The following ITPR2 variants were observed in gnomAD, a reference collection of about 807,000 sequenced individuals.
The protein encoded by ITPR2 is inositol 1,4,5-trisphosphate receptor type 2, also known as inositol 1,4,5-trisphosphate-gated calcium channel ITPR2.
ITPR2 carries 207 observed loss-of-function variants against 317.1 expected under a neutral mutation model. The ratio of observed to expected loss-of-function variants is 0.65; its 90% CI spans 0.58 to 0.73. ITPR2 has a LOEUF of 0.73. Among genes scored for constraint, ITPR2 ranks in the 30% least tolerant of loss-of-function variants. The pLI is 0.00. For missense variants in ITPR2, 2,613 were observed against 3,284.0 expected (o/e 0.80, Z 4.99); for synonymous variants, 1,156 against 1,149.1 (o/e 1.01, Z -0.12).
At chr12:26,586,518 T>C (rs1200718989) in intron 32 of ITPR2, among the ~76,000 whole-genome samples, 1 of 152,254 alleles carries the variant, frequency 6.6e-6, no homozygotes, top group Non-Finnish European at 1.5e-5. Context: ...TAATTTCATC[T>C]ATTGCTTTCA....
intron 51 of ITPR2, among the ~76,000 whole-genome samples, chr12:26,414,676 A>G (rs1370904810): frequency 1.3e-5 from 2 of 152,194 alleles, no homozygotes; most frequent in Non-Finnish European, 2.9e-5. Context: ...AATAAAGCCT[A>G]ACACCACAGG....
In ITPR2 at chr12:26,599,324, G is replaced by T; in HGVS notation, c.3823C>A (p.Arg1275=). 1 of 1,613,920 alleles carries T rather than the reference G, an allele frequency of 6.2e-7. No homozygotes were observed. Among genetic ancestry groups the T allele is most frequent in the Non-Finnish European group, 8.5e-7 (1 of 1,179,832 alleles). The change falls in exon 30 of 57, where the codon CGG becomes AGG. Residue 1275 remains arginine, a synonymous_variant. Transcript: ENST00000381340. ...TPGLLEAETM[R]HIFMNNYHLC... ...TGGTAATTGTTCATGAAGATGTGCC[G>T]CATGGTTTCTGCTTCAAGGAGCTAA...
At chr12:26,810,414 T>A (rs763470381) in intron 1 of ITPR2, among the ~76,000 whole-genome samples, 3 of 152,230 alleles carry the variant, frequency 2.0e-5, no homozygotes, top group African/African-American at 4.8e-5. Context: ...CTCACTATTA[T>A]CCCTGTGCCC....
At chr12:26,742,106 A>G (rs1949240675) in intron 2 of ITPR2, among the ~76,000 whole-genome samples, 3 of 152,216 alleles carry the variant, frequency 2.0e-5, no homozygotes, top group Admixed American at 2.0e-4. Context: ...GGACAGATAA[A>G]GAAAAAGATG....
intron 38 of ITPR2, 135 bp downstream of exon 38, chr12:26,495,017 T>G: frequency 1.5e-6 from 1 of 648,548 alleles, no homozygotes; most frequent in Non-Finnish European, 2.7e-6. Flanking sequence ...AGCCCCAAAT[T>G]GTATGAAAGT....
intron 32 of ITPR2, among the ~76,000 whole-genome samples, chr12:26,589,864 A>G: frequency 1.2e-5 from 1 of 83,548 alleles, no homozygotes; most frequent in African/African-American, 4.6e-5. Context: ...ACACACACAC[A>G]CACACACACA....
chr12:26,622,353 G>A lies in ITPR2; in HGVS notation c.3175C>T (p.Arg1059Trp), dbSNP rs1473494292. ...LDDEGGRTFLRVLIHLIMHDY... is the reference protein window; with the variant it reads ...LDDEGGRTFLWVLIHLIMHDY... ...TGCATGATCAGATGAATGAGGACCC[G>A]TAAAAACGTCCTGCCTCCTTCATCG... Residue 1059 changes from arginine (R) to tryptophan (W), a missense_variant, in exon 25 of 57, where the codon CGG becomes TGG. Coordinates refer to ENST00000381340, the MANE Select transcript of ITPR2 (RefSeq NM_002223.4). The A allele has an allele frequency of 1.9e-6, 3 of 1,613,002 alleles. No individual in the cohort carries two copies. The highest frequency in any genetic ancestry group is 1.7e-6 in the Non-Finnish European group (2 of 1,179,590).
chr12:26,707,301 C>A (rs1458127025), intron 9 of ITPR2, among the ~76,000 whole-genome samples: 1 of 152,142 alleles, frequency 6.6e-6, no homozygotes, highest in Non-Finnish European at 1.5e-5. Context: ...ATTCCCAATT[C>A]TTGCATTCCC....
At chr12:26,556,562 T>TGTGTGTGTGTGTG (rs1319543594) in intron 35 of ITPR2, among the ~76,000 whole-genome samples, 187 bp from the exon 36 acceptor site, 13 of 99,094 alleles carry the variant, frequency 1.3e-4, no homozygotes, top group Non-Finnish European at 3.0e-4. Context: ...CTCTATTTTT[T>TGTGTGTGTGTGTG]TTTTTGTGTG....
chr12:26,824,689 A>C (rs2137300476), intron 1 of ITPR2, among the ~76,000 whole-genome samples: 1 of 152,368 alleles, frequency 6.6e-6, no homozygotes, highest in Non-Finnish European at 1.5e-5. Context: ...AAAACCATAC[A>C]TAAAACTGGG....
chr12:26,578,893 G>A, intron 33 of ITPR2, 60 bp from the exon 34 acceptor site: 1 of 1,486,666 alleles, frequency 6.7e-7, no homozygotes, highest in Non-Finnish European at 9.2e-7. Context: ...CCCTGATGTA[G>A]CATCTATGCA....
chr12:26,622,273 G>A lies in ITPR2; in HGVS notation c.3255C>T (p.Ser1085=). 2 of 1,613,626 alleles carry A rather than the reference G, an allele frequency of 1.2e-6. No homozygotes were observed. The highest frequency in any genetic ancestry group is 1.7e-6 in the Non-Finnish European group (2 of 1,179,764). ...GALQLLFKHF[S]QRAEVLQAFK... ...ATGCCTGTAAAACCTCTGCCCTCTG[G>A]CTGAAGTGCTTAAACAACAGCTGCA... is the stretch of plus-strand genomic sequence containing the variant. Residue 1085 remains serine, a synonymous_variant, in exon 25 of 57, where the codon AGC becomes AGT. Coordinates refer to ENST00000381340, the MANE Select transcript of ITPR2 (RefSeq NM_002223.4).
At chr12:26,826,192 G>A (rs1951007461) in intron 1 of ITPR2, among the ~76,000 whole-genome samples, 1 of 151,646 alleles carries the variant, frequency 6.6e-6, no homozygotes, top group African/African-American at 2.4e-5. Flanking sequence ...CTTGAGCCCA[G>A]GAGTTCAGGG....
chr12:26,682,117 G>GA (rs1374825844), intron 12 of ITPR2, 83 bp from the exon 13 acceptor site: 1 of 1,115,880 alleles, frequency 9.0e-7, no homozygotes, highest in African/African-American at 1.6e-5. Flanking sequence ...TACTGTTTAA[G>GA]AAATATAAGA....
chr12:26,361,945 T>C (rs1052831181), intron 55 of ITPR2, among the ~76,000 whole-genome samples: 2 of 152,238 alleles, frequency 1.3e-5, no homozygotes, highest in African/African-American at 4.8e-5. Context: ...GTGTAAATTT[T>C]CTACCCACCA....
At chr12:26,396,000 T>C (rs1034572276) in intron 54 of ITPR2, among the ~76,000 whole-genome samples, 6 of 152,112 alleles carry the variant, frequency 3.9e-5, no homozygotes, top group African/African-American at 1.4e-4. Context: ...GTAGTAAGTA[T>C]TCAATAAATA....
At chr12:26,570,121 G>T (rs1945120975) in intron 34 of ITPR2, among the ~76,000 whole-genome samples, 1 of 152,118 alleles carries the variant, frequency 6.6e-6, no homozygotes, top group South Asian at 2.1e-4. Flanking sequence ...CTATAGACAA[G>T]GTCAGGCTCT....
chr12:26,555,448 A>C (rs1339240918), intron 36 of ITPR2, among the ~76,000 whole-genome samples: 3 of 152,180 alleles, frequency 2.0e-5, no homozygotes, highest in Non-Finnish European at 2.9e-5. Context: ...TAGGGTCTAC[A>C]TGTGACGACC....
chr12:26,657,621 G>T, intron 18 of ITPR2, 86 bp downstream of exon 18: 1 of 1,120,608 alleles, frequency 8.9e-7, no homozygotes, highest in South Asian at 1.5e-5. Flanking sequence ...CCTCTTCATA[G>T]ATACCTAACT....
Sources: allele counts gnomAD v4.1 joint callset (sites outside exome capture counted in the v4.1 genomes callset), GRCh38; gene constraint gnomAD v4.1.1; transcripts MANE v1.5; gene names NCBI Gene and HGNC (gene_info 2026-07-23, HGNC 2026-07-21).